The following ADAMTS6 variants were observed in gnomAD, a reference collection of about 807,000 sequenced individuals.
The protein encoded by ADAMTS6 is ADAM metallopeptidase with thrombospondin type 1 motif 6.
A neutral mutation model predicts 144.3 loss-of-function variants in ADAMTS6; 23 were observed. The ratio of observed to expected loss-of-function variants is 0.16; its 90% CI spans 0.11 to 0.23. The LOEUF is 0.23. Among genes scored for constraint, ADAMTS6 ranks in the 10% least tolerant of loss-of-function variants. The pLI, the probability that ADAMTS6 is intolerant of heterozygous loss-of-function variation, is 1.00. For synonymous variants in ADAMTS6, 444 were observed against 457.5 expected, an observed-to-expected ratio of 0.97 and a Z score of 0.38; for missense variants, 999 against 1,379.6, an observed-to-expected ratio of 0.72 and a Z score of 4.37.
rs754302931 is a variant in ADAMTS6, at chr5:65,242,150, A to G, written c.1887T>C (p.Asn629=). The G allele has an allele frequency of 1.2e-6, 2 of 1,604,356 alleles. No individual in the cohort carries two copies. Among genetic ancestry groups the G allele is most frequent in the Non-Finnish European group, 1.7e-6 (2 of 1,173,770 alleles). ...TATAATACTTTCCTCGGAAAGGCAT[A>G]TTGTCAAAGTCTGCACACTGTTTCT... The part of the protein sequence containing the change: ...FREKQCADFD[N]MPFRGKYYNW... Residue 629 remains asparagine, a synonymous_variant, in exon 15 of 25, where the codon AAT becomes AAC. Transcript: ENST00000381055.
intron 10 of ADAMTS6, among the ~76,000 whole-genome samples, chr5:65,299,461 T>C (rs989297183): frequency 2.6e-5 from 4 of 152,154 alleles, no homozygotes; most frequent in Non-Finnish European, 5.9e-5. Context: ...ACTCTTGGAA[T>C]ATACATTAAA....
intron 7 of ADAMTS6, among the ~76,000 whole-genome samples, chr5:65,340,814 C>A (rs549804161): frequency 6.6e-6 from 1 of 151,776 alleles, no homozygotes; most frequent in African/African-American, 2.4e-5. Context: ...ATAAAACAAA[C>A]TTGAAATTAA....
chr5:65,325,825 ATTAGAG>A (rs1202771016), intron 9 of ADAMTS6, among the ~76,000 whole-genome samples: 1 of 152,154 alleles, frequency 6.6e-6, no homozygotes, highest in Non-Finnish European at 1.5e-5. Context: ...TTCTCTCAAT[ATTAGAG>A]TTAAAGTTCA....
chr5:65,259,825 C>A (rs1177462027), intron 14 of ADAMTS6, among the ~76,000 whole-genome samples: 2 of 151,976 alleles, frequency 1.3e-5, no homozygotes, highest in Non-Finnish European at 2.9e-5. Context: ...TATAAAATCA[C>A]CAAGAATTAA....
intron 10 of ADAMTS6, among the ~76,000 whole-genome samples, chr5:65,296,654 G>T (rs1054731119): frequency 2.0e-5 from 3 of 152,050 alleles, no homozygotes; most frequent in African/African-American, 7.2e-5. Flanking sequence ...TAAGTGCTTT[G>T]GTCATCTTGC....
Position 65,329,402 on chromosome 5 carries a change from G to C in ADAMTS6, c.1199C>G (p.Thr400Ser). The C allele has an allele frequency of 6.2e-7, 1 of 1,612,550 alleles. No individual in the cohort carries two copies. Among genetic ancestry groups the C allele is most frequent in the Non-Finnish European group, 8.5e-7 (1 of 1,179,218 alleles). ...NEDIGLGSAF[T>S]IAHEIGHNFG... ...CTTGTGACCAATCTCATGTGCAATG[G>C]TAAAAGCTGAACCCAGGCCAATGTC... Residue 400 changes from threonine (T) to serine (S), a missense_variant, in exon 9 of 25, where the codon ACC becomes AGC. Thr to Ser is a moderately conservative substitution (Grantham distance 58). Around this residue, in one of 3 missense-constraint regions of ADAMTS6, gnomAD observed 128 missense variants for 249.0 expected, o/e 0.51. Transcript: ENST00000381055.
At chr5:65,466,833 G>A (rs1466410928) in intron 3 of ADAMTS6, among the ~76,000 whole-genome samples, 3 of 152,154 alleles carry the variant, frequency 2.0e-5, no homozygotes, top group African/African-American at 4.8e-5. Flanking sequence ...ACGAGGTCAG[G>A]AGATCGAGAC....
At chr5:65,398,771 G>GA (rs1753581544) in intron 7 of ADAMTS6, among the ~76,000 whole-genome samples, 2 of 139,496 alleles carry the variant, frequency 1.4e-5, no homozygotes, top group African/African-American at 5.4e-5. Flanking sequence ...GAGAGAGAAA[G>GA]AAGAGAGAGC....
chr5:65,183,730 T>C (rs2112150457), intron 22 of ADAMTS6, among the ~76,000 whole-genome samples: 1 of 152,282 alleles, frequency 6.6e-6, no homozygotes, highest in Non-Finnish European at 1.5e-5. Context: ...TTATGTAATG[T>C]ATAGACATTA....
intron 7 of ADAMTS6, among the ~76,000 whole-genome samples, chr5:65,437,672 G>T (rs1033079042): frequency 2.6e-5 from 4 of 152,162 alleles, no homozygotes; most frequent in Non-Finnish European, 5.9e-5. Flanking sequence ...TGATATAAAA[G>T]AGTATAGTAT....
Position 65,332,306 on chromosome 5 carries a change from T to TAG in ADAMTS6, c.1117+1735_1117+1736insCT, listed in dbSNP as rs1465957918. Among the ~76,000 whole-genome samples the TAG allele has an allele frequency of 5.6e-3, 677 of 120,614 alleles. 2 individuals carry two copies. Among genetic ancestry groups the TAG allele is most frequent in the South Asian group, 0.017 (58 of 3,460 alleles). 79.1% of individuals were successfully genotyped at this position (120,614 alleles called of 152,430 possible). On this transcript the variant is annotated intron_variant, in intron 8 of 24. Coordinates refer to ENST00000381055, the MANE Select transcript of ADAMTS6 (RefSeq NM_197941.4). ...GTGAGGGTATATATATATATATATA[T>TAG]ATATATAGAGAGAGAGAGAGAGAGA...
intron 22 of ADAMTS6, among the ~76,000 whole-genome samples, chr5:65,182,584 T>A (rs1287317574): frequency 6.6e-6 from 1 of 152,046 alleles, no homozygotes; most frequent in Non-Finnish European, 1.5e-5. Context: ...CTGTTACATA[T>A]CCATTTTACA....
At chr5:65,449,151 C>G (rs1188335361) in intron 7 of ADAMTS6, among the ~76,000 whole-genome samples, 4 of 152,118 alleles carry the variant, frequency 2.6e-5, no homozygotes, top group Non-Finnish European at 5.9e-5. Context: ...TACTTTGAAA[C>G]TTTAATAAGA....
At chr5:65,217,269 T>G (rs1757000349) in intron 18 of ADAMTS6, among the ~76,000 whole-genome samples, 1 of 152,208 alleles carries the variant, frequency 6.6e-6, no homozygotes, top group African/African-American at 2.4e-5. Flanking sequence ...TTAAAACATT[T>G]GGTTTTATAA....
chr5:65,204,079 A>C (rs1755919542), intron 20 of ADAMTS6, among the ~76,000 whole-genome samples: 1 of 152,234 alleles, frequency 6.6e-6, no homozygotes, highest in Non-Finnish European at 1.5e-5. Flanking sequence ...TTGGCTTAGC[A>C]GAGATTTCTT....
intron 15 of ADAMTS6, among the ~76,000 whole-genome samples, chr5:65,235,981 A>G (rs1261820661): frequency 6.6e-6 from 1 of 152,234 alleles, no homozygotes; most frequent in Non-Finnish European, 1.5e-5. Flanking sequence ...ATTATTTCAG[A>G]CACTTCTTCT....
intron 7 of ADAMTS6, among the ~76,000 whole-genome samples, chr5:65,435,155 A>G (rs7706820): frequency 0.064 from 9,759 of 152,254 alleles, 433 homozygotes; most frequent in African/African-American, 0.11. Context: ...ATTAAACACA[A>G]AGTTAATTTT....
chr5:65,357,609 A>G (rs1029096202), intron 7 of ADAMTS6, among the ~76,000 whole-genome samples: 4 of 151,424 alleles, frequency 2.6e-5, no homozygotes, highest in African/African-American at 9.7e-5. Flanking sequence ...CGTTAGCTAG[A>G]CTAAAAAATA....
intron 14 of ADAMTS6, among the ~76,000 whole-genome samples, chr5:65,255,511 A>C (rs1169056195): frequency 6.6e-6 from 1 of 152,108 alleles, no homozygotes; most frequent in African/African-American, 2.4e-5. Flanking sequence ...GATGTTTGAA[A>C]ACCTGAAAAA....
Sources: allele counts gnomAD v4.1 joint callset (sites outside exome capture counted in the v4.1 genomes callset), GRCh38; gene constraint gnomAD v4.1.1; regional missense constraint gnomAD v4.1.1; transcripts MANE v1.5; gene names NCBI Gene and HGNC (gene_info 2026-07-23, HGNC 2026-07-21).